B3GALT1: variants seen among roughly 807,000 people sequenced by gnomAD.
The protein encoded by B3GALT1 is UDP-Gal:betaGlcNAc beta 1,3-galactosyltransferase, polypeptide 1.
B3GALT1 carries 10 observed loss-of-function variants against 23.2 expected under a neutral mutation model. The ratio of observed to expected loss-of-function variants is 0.43; its 90% CI spans 0.27 to 0.73. The LOEUF is 0.73. Ranked by LOEUF, B3GALT1 falls within the 30% of genes least tolerant of loss-of-function variation. B3GALT1 has a pLI of 0.21. For missense variants in B3GALT1, 299 were observed against 405.4 expected, an observed-to-expected ratio of 0.74 and a Z score of 2.25; for synonymous variants, 156 against 141.5, an observed-to-expected ratio of 1.10 and a Z score of -0.73.
At chr2:167,860,142 CTTGT>C (rs1690071023) in intron 4 of B3GALT1, among the ~76,000 whole-genome samples, 1 of 152,116 alleles carries the variant, frequency 6.6e-6, no homozygotes, top group Non-Finnish European at 1.5e-5. Context: ...GCCCTTGGGG[CTTGT>C]TTATCAATTA....
At chr2:167,549,439 G>T (rs150652196) in intron 2 of B3GALT1, among the ~76,000 whole-genome samples, 57 of 152,234 alleles carry the variant, frequency 3.7e-4, no homozygotes, top group African/African-American at 1.3e-3. Context: ...ACTCTGTATG[G>T]CATACTTCAG....
At chr2:167,325,422 G>A (rs1386863142) in intron 1 of B3GALT1, among the ~76,000 whole-genome samples, 1 of 151,912 alleles carries the variant, frequency 6.6e-6, no homozygotes, top group East Asian at 1.9e-4. Flanking sequence ...GGCTTGAGCG[G>A]GAAGAAGAGA....
At chr2:167,824,419 AC>A (rs1457571668) in intron 4 of B3GALT1, among the ~76,000 whole-genome samples, 2 of 152,244 alleles carry the variant, frequency 1.3e-5, no homozygotes, top group African/African-American at 4.8e-5. Flanking sequence ...GATAAGAGAT[AC>A]CCATAGCTTG....
At chr2:167,355,539 T>A (rs1291503317) in intron 1 of B3GALT1, among the ~76,000 whole-genome samples, 1 of 152,176 alleles carries the variant, frequency 6.6e-6, no homozygotes, top group African/African-American at 2.4e-5. Flanking sequence ...TTAAGGAATC[T>A]GAACTATCTA....
intron 3 of B3GALT1, among the ~76,000 whole-genome samples, chr2:167,722,634 C>A (rs1687253075): frequency 6.6e-6 from 1 of 152,196 alleles, no homozygotes; most frequent in African/African-American, 2.4e-5. Flanking sequence ...ACTTAAAATG[C>A]AATAGCATGG....
At chr2:167,556,899 G>T (rs956670410) in intron 2 of B3GALT1, among the ~76,000 whole-genome samples, 3 of 152,192 alleles carry the variant, frequency 2.0e-5, no homozygotes, top group African/African-American at 7.2e-5. Context: ...CTAGGAGGTA[G>T]GTAATGTTAT....
At chr2:167,510,933 G>A (rs114584271) in intron 2 of B3GALT1, among the ~76,000 whole-genome samples, 42 of 152,134 alleles carry the variant, frequency 2.8e-4, no homozygotes, top group African/African-American at 8.9e-4. Flanking sequence ...GTGATCATCA[G>A]GTGAATGAGA....
At chr2:167,452,878 C>T (rs1443535192) in intron 1 of B3GALT1, among the ~76,000 whole-genome samples, 1 of 152,126 alleles carries the variant, frequency 6.6e-6, no homozygotes, top group Non-Finnish European at 1.5e-5. Flanking sequence ...ATGAGAGTCA[C>T]CTGTAGAGTG....
chr2:167,444,751 C>G (rs1698953579), intron 1 of B3GALT1, among the ~76,000 whole-genome samples: 1 of 151,912 alleles, frequency 6.6e-6, no homozygotes, highest in Non-Finnish European at 1.5e-5. Context: ...TTTGATTCTT[C>G]TCCCTTTTCT....
intron 1 of B3GALT1, among the ~76,000 whole-genome samples, chr2:167,403,277 G>GC (rs1553517370): frequency 6.6e-6 from 1 of 151,002 alleles, no homozygotes; most frequent in Non-Finnish European, 1.5e-5. Flanking sequence ...GCGGTGTTTG[G>GC]TTTTTTGTCC....
chr2:167,834,500 T>G (rs1689417889), intron 4 of B3GALT1, among the ~76,000 whole-genome samples: 3 of 152,214 alleles, frequency 2.0e-5, no homozygotes, highest in Non-Finnish European at 4.4e-5. Context: ...GAGACTTCAG[T>G]TCTAGGTTAG....
intron 1 of B3GALT1, among the ~76,000 whole-genome samples, chr2:167,398,507 A>T (rs893214587): frequency 6.6e-5 from 10 of 152,126 alleles, no homozygotes; most frequent in Admixed American, 3.3e-4. Context: ...AATGTGTGCC[A>T]GGTGTAAATC....
intron 2 of B3GALT1, among the ~76,000 whole-genome samples, chr2:167,495,753 G>T (rs963897312): frequency 6.6e-6 from 1 of 152,104 alleles, no homozygotes; most frequent in Non-Finnish European, 1.5e-5. Flanking sequence ...GATGCCTTCA[G>T]GGAAAAGATG....
chr2:167,457,214 C>A (rs1281411038), intron 1 of B3GALT1, among the ~76,000 whole-genome samples: 1 of 151,926 alleles, frequency 6.6e-6, no homozygotes, highest in Admixed American at 6.6e-5. Context: ...ACTTTGTCAC[C>A]CAGGCTGGAG....
chr2:167,841,570 C>T (rs959487235), intron 4 of B3GALT1, among the ~76,000 whole-genome samples: 1 of 152,204 alleles, frequency 6.6e-6, no homozygotes, highest in Non-Finnish European at 1.5e-5. Context: ...CTTGCCTGAG[C>T]AGCATCTGTG....
chr2:167,432,955 A>G (rs911372409), intron 1 of B3GALT1, among the ~76,000 whole-genome samples: 2 of 152,170 alleles, frequency 1.3e-5, no homozygotes, highest in African/African-American at 4.8e-5. Context: ...TCTGTGGTTT[A>G]CATTGGGCCT....
At chr2:167,803,137 G>A (rs1040838917) in intron 3 of B3GALT1, among the ~76,000 whole-genome samples, 2 of 149,324 alleles carry the variant, frequency 1.3e-5, no homozygotes, top group Non-Finnish European at 1.5e-5. Flanking sequence ...GGTTGGGCTG[G>A]GGAATGGTTT....
intron 1 of B3GALT1, among the ~76,000 whole-genome samples, chr2:167,465,384 T>C (rs1699328823): frequency 6.6e-6 from 1 of 152,118 alleles, no homozygotes; most frequent in African/African-American, 2.4e-5. Flanking sequence ...TCGTAAATTA[T>C]AGAATTTTTT....
chr2:167,701,745 C>A (rs1345688758), intron 3 of B3GALT1, among the ~76,000 whole-genome samples: 1 of 152,176 alleles, frequency 6.6e-6, no homozygotes, highest in African/African-American at 2.4e-5. Flanking sequence ...CTATCTTTTT[C>A]TTTGACTAAC....
Sources: allele counts gnomAD v4.1 joint callset (sites outside exome capture counted in the v4.1 genomes callset), GRCh38; gene constraint gnomAD v4.1.1; transcripts MANE v1.5; gene names NCBI Gene and HGNC (gene_info 2026-07-23, HGNC 2026-07-21).